MAP3K19: variants seen among roughly 807,000 people sequenced by gnomAD.
MAP3K19 encodes mitogen-activated protein kinase kinase kinase 19, also known as SPS1/STE20-related protein kinase YSK4.
A neutral mutation model predicts 114.4 loss-of-function variants in MAP3K19; 91 were observed. That is an observed-to-expected ratio of 0.80 (90% CI 0.67 to 0.95). The LOEUF (loss-of-function observed/expected upper bound fraction) is 0.95, where lower values mean the gene tolerates loss of function less well. MAP3K19 is among the 40% of genes least tolerant of loss of function. MAP3K19 has a pLI of 0.00. For missense variants in MAP3K19, 1,471 were observed against 1,573.2 expected, an observed-to-expected ratio of 0.94 and a Z score of 1.10; for synonymous variants, 518 against 530.5, an observed-to-expected ratio of 0.98 and a Z score of 0.32.
At chr2:135,008,128 C>CA (rs1686961017) in intron 5 of MAP3K19, among the ~76,000 whole-genome samples, 1 of 145,820 alleles carries the variant, frequency 6.9e-6, no homozygotes. Flanking sequence ...AACAGTACTT[C>CA]TTTTTTTTTT....
At chr2:135,025,034 A>T (rs1688198301) in intron 3 of MAP3K19, among the ~76,000 whole-genome samples, 2 of 152,164 alleles carry the variant, frequency 1.3e-5, no homozygotes, top group Non-Finnish European at 2.9e-5. Flanking sequence ...AAGGGTACAT[A>T]AAATCAAGTA....
intron 4 of MAP3K19, among the ~76,000 whole-genome samples, chr2:135,024,403 GC>G (rs1261243947): frequency 1.3e-5 from 2 of 152,132 alleles, no homozygotes; most frequent in East Asian, 3.8e-4. Context: ...TATGTGATGT[GC>G]CCCTGACCAT....
At chr2:134,978,447 C>T (rs929964170) in intron 12 of MAP3K19, among the ~76,000 whole-genome samples, 5 of 151,998 alleles carry the variant, frequency 3.3e-5, no homozygotes, top group Non-Finnish European at 5.9e-5. Context: ...GTGATCCCCC[C>T]ACCTCGGCCT....
intron 2 of MAP3K19, among the ~76,000 whole-genome samples, chr2:135,039,454 C>G (rs1269518788): frequency 6.6e-6 from 1 of 151,260 alleles, no homozygotes; most frequent in South Asian, 2.1e-4. Context: ...TGGTGGTATG[C>G]GTCTGTAATT....
intron 12 of MAP3K19, among the ~76,000 whole-genome samples, chr2:134,968,200 C>A (rs1348997002): frequency 6.6e-6 from 1 of 152,058 alleles, no homozygotes; most frequent in East Asian, 1.9e-4. Flanking sequence ...CAACAGCATC[C>A]CAAGGCAGAA....
intron 4 of MAP3K19, among the ~76,000 whole-genome samples, chr2:135,022,536 T>C (rs1354030146): frequency 1.3e-5 from 2 of 152,200 alleles, no homozygotes; most frequent in East Asian, 1.9e-4. Context: ...GCTCAATCGA[T>C]ACTGTATTTT....
Position 134,997,525 on chromosome 2 carries a change from CA to C in MAP3K19, c.574+1212del, listed in dbSNP as rs1381123205. Among the ~76,000 whole-genome samples, 7 of 151,230 alleles carry C rather than the reference CA, an allele frequency of 4.6e-5. No homozygotes were observed. In the East Asian group the frequency reaches 9.7e-4, roughly 21 times the overall value. On this transcript the variant is annotated intron_variant, in intron 8 of 12. Transcript: ENST00000392915. ...TTACACACATTTTAGCATAATAAAA[CA>C]AAAAAAAATTTAGGCCAGGCGCAGT...
intron 12 of MAP3K19, among the ~76,000 whole-genome samples, chr2:134,968,679 G>A (rs575932605): frequency 7.9e-4 from 120 of 151,290 alleles, no homozygotes; most frequent in Non-Finnish European, 1.4e-3. Flanking sequence ...ACGGGGTCGC[G>A]GCCGGGCAGA....
At chr2:134,997,921 G>T (rs934658177) in intron 8 of MAP3K19, among the ~76,000 whole-genome samples, 7 of 151,560 alleles carry the variant, frequency 4.6e-5, no homozygotes, top group Non-Finnish European at 7.4e-5. Flanking sequence ...TTTTTGGTAG[G>T]ATGTGTCACA....
At chr2:135,000,782 C>T (rs115312000) in intron 6 of MAP3K19, among the ~76,000 whole-genome samples, 1 of 152,156 alleles carries the variant, frequency 6.6e-6, no homozygotes, top group African/African-American at 2.4e-5. Context: ...CAATGCTTGC[C>T]CCGGTATTCA....
chr2:134,985,994 C>T lies in MAP3K19; in HGVS notation c.2878G>A (p.Val960Ile). 3 of 1,613,638 alleles carry T rather than the reference C, an allele frequency of 1.9e-6. No individual in the cohort carries two copies. Among genetic ancestry groups the T allele is most frequent in the Non-Finnish European group, 2.5e-6 (3 of 1,179,826 alleles). The change falls in exon 10 of 13, where the codon GTA becomes ATA. Residue 960 changes from valine (V) to isoleucine (I), a missense_variant. By Grantham distance (29) the Val-to-Ile change is conservative. Coordinates refer to ENST00000392915, the MANE Select transcript of MAP3K19 (RefSeq NM_025052.5). ...NSISQEIMDS[V>I]NNEELTDELL... Reference sequence around the variant, plus strand: ...TCATCTGTCAATTCTTCATTATTTACAGAGTCCATAATTTCTTGGGAAATT... The same window carrying T: ...TCATCTGTCAATTCTTCATTATTTATAGAGTCCATAATTTCTTGGGAAATT...
At chr2:134,969,698 C>T (rs1406370643) in intron 12 of MAP3K19, among the ~76,000 whole-genome samples, 2 of 152,186 alleles carry the variant, frequency 1.3e-5, no homozygotes, top group African/African-American at 2.4e-5. Flanking sequence ...AGAGCTTCTG[C>T]ACAGACCAAT....
At chr2:134,990,665 CG>C (rs1182694096) in intron 9 of MAP3K19, among the ~76,000 whole-genome samples, 1 of 151,930 alleles carries the variant, frequency 6.6e-6, no homozygotes, top group Non-Finnish European at 1.5e-5. Flanking sequence ...TTAGTAGAGA[CG>C]GAGTTTCACC....
Position 135,030,509 on chromosome 2 carries a change from T to C in MAP3K19, c.-283-9A>G, listed in dbSNP as rs1361917981. 6.6e-6 allele frequency: 1 copy of C among 152,646 alleles called. No homozygotes were observed. The highest frequency in any genetic ancestry group is 1.5e-5 in the Non-Finnish European group (1 of 68,048). 9.5% of individuals were successfully genotyped at this position (152,646 alleles called of 1,614,324 possible). ...AGAAGAAATCCAACAACCTGCAAAATGACACAGTCTTAGTTAAATATTTTT... is the reference window on the plus strand; with the variant it reads ...AGAAGAAATCCAACAACCTGCAAAACGACACAGTCTTAGTTAAATATTTTT... On this transcript the variant is annotated splice_polypyrimidine_tract_variant and intron_variant, in intron 2 of 12. Coordinates refer to ENST00000392915, the MANE Select transcript of MAP3K19 (RefSeq NM_025052.5).
intron 1 of MAP3K19, among the ~76,000 whole-genome samples, chr2:135,046,065 C>T (rs1303437023): frequency 6.6e-6 from 1 of 152,166 alleles, no homozygotes; most frequent in Admixed American, 6.5e-5. Flanking sequence ...ACTAGGGCTA[C>T]AGGTGCACAG....
Position 134,998,785 on chromosome 2 carries a change from C to T in MAP3K19, c.527G>A (p.Arg176Lys). 1.9e-6 allele frequency: 3 copies of T among 1,608,066 alleles called. No individual in the cohort carries two copies. The highest frequency in any genetic ancestry group is 2.6e-6 in the Non-Finnish European group (3 of 1,176,234). Residue 176 changes from arginine to lysine, a missense_variant, in exon 8 of 13, where the codon AGA becomes AAA. Arg to Lys is a conservative substitution (Grantham distance 26). Transcript: ENST00000392915. ...CTTCAGAAAATGAGGAGCATCTTCT[C>T]TGGTTACAGACTTGGAAATGTTCAG... ...LELNISKSVTREDAPHFLKEQ... is the reference protein window; with the variant it reads ...LELNISKSVTKEDAPHFLKEQ...
At chr2:135,032,060 C>T (rs546796775) in intron 2 of MAP3K19, among the ~76,000 whole-genome samples, 3 of 152,216 alleles carry the variant, frequency 2.0e-5, no homozygotes, top group South Asian at 4.2e-4. Flanking sequence ...CCTCATACCA[C>T]CATTTCTGCT....
At chr2:135,044,630 T>G (rs1688704151) in intron 1 of MAP3K19, among the ~76,000 whole-genome samples, 1 of 152,118 alleles carries the variant, frequency 6.6e-6, no homozygotes, top group Non-Finnish European at 1.5e-5. Context: ...ATGGAACTAG[T>G]ATTTAAAGGC....
chr2:134,968,438 G>A (rs1271949764), intron 12 of MAP3K19, among the ~76,000 whole-genome samples: 21 of 149,262 alleles, frequency 1.4e-4, no homozygotes, highest in East Asian at 2.0e-4. Flanking sequence ...AGGGGCGGCC[G>A]GGCAGAGGCG....
Sources: gnomAD v4.1 joint callset for allele counts (sites outside exome capture counted in the v4.1 genomes callset) on GRCh38, gnomAD v4.1.1 for gene constraint, MANE v1.5 for transcripts, NCBI Gene and HGNC (gene_info 2026-07-23, HGNC 2026-07-21) for gene names.